The following ADAMTS3 variants were observed in gnomAD, a reference collection of about 807,000 sequenced individuals.
The protein encoded by ADAMTS3 is A disintegrin and metalloproteinase with thrombospondin motifs 3.
Under a neutral mutation model 129.0 loss-of-function variants are expected in ADAMTS3, and 73 were observed. That is an observed-to-expected ratio of 0.57 (90% CI 0.47 to 0.69). The LOEUF (loss-of-function observed/expected upper bound fraction) is 0.69, where lower values mean the gene tolerates loss of function less well. ADAMTS3 is among the 30% of genes least tolerant of loss of function. The probability of loss-of-function intolerance (pLI) is 0.00; values close to 1 mark genes in which losing one functional copy is unlikely to be tolerated. For synonymous variants in ADAMTS3, 477 were observed against 510.8 expected, an observed-to-expected ratio of 0.93 and a Z score of 0.89; for missense variants, 1,457 against 1,514.5, an observed-to-expected ratio of 0.96 and a Z score of 0.63.
In ADAMTS3 at chr4:72,425,981, C is replaced by T. The variant is rs193177561; in HGVS notation, c.505-11010G>A. 5.3e-3 allele frequency among the ~76,000 whole-genome samples: 814 copies of T among 152,260 alleles called. 5 individuals carry two copies. The highest frequency in any genetic ancestry group is 0.019 in the African/African-American group (787 of 41,560). On this transcript the variant is annotated intron_variant, in intron 3 of 21. Transcript: ENST00000286657. ...TAAAAGTGTTCCTATTTCTCCACAT[C>T]CTCTCTAGCACCTGTTGCTTCCTGA...
rs1236131058 is a variant in ADAMTS3, at chr4:72,339,625, T to C, written c.730A>G (p.Thr244Ala). Reference protein sequence around the residue: ...YGNIHQQLNETMRRRRHAGEN... With the variant: ...YGNIHQQLNEAMRRRRHAGEN... ...CCCGCGTGTCTGCGGCGTCTCATTGTTTCATTCAGCTGCTGGTGGATGTTG... is the reference window on the plus strand; with the variant it reads ...CCCGCGTGTCTGCGGCGTCTCATTGCTTCATTCAGCTGCTGGTGGATGTTG... The change falls in exon 5 of 22, where the codon ACA (threonine) becomes GCA (alanine). Residue 244 changes from threonine (T) to alanine (A), a missense_variant. Physicochemically the swap from Thr to Ala is moderately conservative, Grantham distance 58. Transcript: ENST00000286657. 6.2e-7 allele frequency: 1 copy of C among 1,613,990 alleles called. No homozygotes were observed. Among genetic ancestry groups the C allele is most frequent in the Non-Finnish European group, 8.5e-7 (1 of 1,179,916 alleles).
intron 21 of ADAMTS3, among the ~76,000 whole-genome samples, chr4:72,287,453 G>A (rs1330044421): frequency 1.3e-5 from 2 of 150,738 alleles, no homozygotes; most frequent in African/African-American, 4.9e-5. Context: ...GGAGGACACC[G>A]AGAAAGAGAA....
At chr4:72,303,746 A>G (rs1416525330) in intron 17 of ADAMTS3, among the ~76,000 whole-genome samples, 171 bp downstream of exon 17, 1 of 152,184 alleles carries the variant, frequency 6.6e-6, no homozygotes, top group Admixed American at 6.5e-5. Context: ...AATAAATTAC[A>G]TGAAAATATT....
intron 3 of ADAMTS3, among the ~76,000 whole-genome samples, chr4:72,544,685 T>G (rs911525516): frequency 1.3e-5 from 2 of 152,212 alleles, no homozygotes; most frequent in East Asian, 1.9e-4. Flanking sequence ...TCAAGCAATA[T>G]TTTCACAGTT....
intron 3 of ADAMTS3, among the ~76,000 whole-genome samples, chr4:72,521,471 G>A (rs890192335): frequency 6.6e-6 from 1 of 152,110 alleles, no homozygotes; most frequent in Non-Finnish European, 1.5e-5. Flanking sequence ...TGAGAATTTT[G>A]TTTCAAGCTC....
chr4:72,352,794 G>A (rs951243193), intron 4 of ADAMTS3, among the ~76,000 whole-genome samples: 3 of 151,836 alleles, frequency 2.0e-5, no homozygotes, highest in Admixed American at 2.0e-4. Flanking sequence ...CCAGACAATG[G>A]GCATAATGCA....
chr4:72,487,486 TA>T (rs1719620493), intron 3 of ADAMTS3, among the ~76,000 whole-genome samples: 1 of 152,096 alleles, frequency 6.6e-6, no homozygotes, highest in Admixed American at 6.6e-5. Context: ...TAATGCTAAG[TA>T]AAACAGATGC....
chr4:72,379,924 C>T (rs2109877733), intron 4 of ADAMTS3, among the ~76,000 whole-genome samples: 1 of 152,190 alleles, frequency 6.6e-6, no homozygotes, highest in Non-Finnish European at 1.5e-5. Context: ...ATTGTGTTTA[C>T]CAGCTCAATA....
chr4:72,405,006 A>G (rs1453040343), intron 4 of ADAMTS3, among the ~76,000 whole-genome samples: 1 of 152,068 alleles, frequency 6.6e-6, no homozygotes. Flanking sequence ...GAGATATTAC[A>G]TAACACCTGT....
intron 3 of ADAMTS3, among the ~76,000 whole-genome samples, chr4:72,423,524 C>T (rs184763831): frequency 6.6e-6 from 1 of 152,166 alleles, no homozygotes; most frequent in Admixed American, 6.5e-5. Flanking sequence ...ATTCCATTTA[C>T]AATGAGAATG....
rs115004515 is a variant in ADAMTS3 at position 72,538,462 on chromosome 4, T to A, written c.504+10016A>T. Among the ~76,000 whole-genome samples the A allele has an allele frequency of 2.3e-3, 353 of 151,984 alleles. 1 individual carries two copies. Among genetic ancestry groups the A allele is most frequent in the African/African-American group, 8.1e-3 (334 of 41,456 alleles). On this transcript the variant is annotated intron_variant, in intron 3 of 21. Transcript: ENST00000286657. ...GATTTCTCATCAGAAACTTTTAGAT[T>A]CCAGAGGCAGTGGACTGATATATTC...
At chr4:72,562,959 AT>A (rs1235841977) in intron 2 of ADAMTS3, among the ~76,000 whole-genome samples, 4 of 152,176 alleles carry the variant, frequency 2.6e-5, no homozygotes, top group Non-Finnish European at 5.9e-5. Context: ...AACTCTTCAT[AT>A]CAAAATTACT....
At chr4:72,284,143 T>A (rs924026477) in intron 21 of ADAMTS3, among the ~76,000 whole-genome samples, 1 of 152,168 alleles carries the variant, frequency 6.6e-6, no homozygotes, top group Non-Finnish European at 1.5e-5. Context: ...AAATAAATAC[T>A]AAACACTTGT....
chr4:72,399,861 CGTGTGT>C (rs1560501384), intron 4 of ADAMTS3, among the ~76,000 whole-genome samples: 3 of 39,870 alleles, frequency 7.5e-5, no homozygotes, highest in African/African-American at 3.0e-4. Context: ...TGTGTATATA[CGTGTGT>C]ATATATACAC....
intron 7 of ADAMTS3, 79 bp from the exon 8 acceptor site, chr4:72,320,042 G>T: frequency 1.7e-6 from 2 of 1,182,184 alleles, no homozygotes; most frequent in Non-Finnish European, 2.5e-6. Context: ...TTTGCCTAGG[G>T]GGAAAAAAGT....
Position 72,556,973 on chromosome 4 carries a change from A to G in ADAMTS3, c.98-8089T>C, listed in dbSNP as rs183921999. On this transcript the variant is annotated intron_variant, in intron 2 of 21. Coordinates refer to ENST00000286657, the MANE Select transcript of ADAMTS3 (RefSeq NM_014243.3). ...TAGAAGGACCTTAAATTCCACATCA[A>G]CAGAGGGCCTAAAATCCAATCTGGC... Among the ~76,000 whole-genome samples, 398 of 151,762 alleles carry G rather than the reference A, an allele frequency of 2.6e-3. 13 individuals carry two copies. The highest frequency in any genetic ancestry group is 9.3e-3 in the African/African-American group (383 of 41,092).
Position 72,414,870 on chromosome 4 carries a change from C to T in ADAMTS3, c.606G>A (p.Lys202=). 1 of 1,579,536 alleles carries T rather than the reference C, an allele frequency of 6.3e-7. No homozygotes were observed. Among genetic ancestry groups the T allele is most frequent in the South Asian group, 1.2e-5 (1 of 85,976 alleles). Residue 202 remains lysine (K), a synonymous_variant, in exon 4 of 22, where the codon AAG becomes AAA. Coordinates refer to ENST00000286657, the MANE Select transcript of ADAMTS3 (RefSeq NM_014243.3). ...EEKGRIHVVY[K]RSAVEQAPID... ...TGGGAGCCTGTTCTACAGCTGATCT[C>T]TTGTAGACAACATGAATCCTTCCTT... is the stretch of plus-strand genomic sequence containing the variant.
At chr4:72,440,641 T>A (rs1032435391) in intron 3 of ADAMTS3, among the ~76,000 whole-genome samples, 2 of 151,760 alleles carry the variant, frequency 1.3e-5, no homozygotes, top group Non-Finnish European at 2.9e-5. Context: ...GCAACCTCCT[T>A]GAGAGCTTAT....
At chr4:72,305,013 G>A (rs1052617627) in intron 16 of ADAMTS3, among the ~76,000 whole-genome samples, 3 of 151,928 alleles carry the variant, frequency 2.0e-5, no homozygotes, top group Non-Finnish European at 4.4e-5. Flanking sequence ...AAAATTCTAT[G>A]AAACACCATA....
Sources: allele counts gnomAD v4.1 joint callset (sites outside exome capture counted in the v4.1 genomes callset), GRCh38; gene constraint gnomAD v4.1.1; transcripts MANE v1.5; gene names NCBI Gene and HGNC (gene_info 2026-07-23, HGNC 2026-07-21).